The following ZNF521 variants were observed in gnomAD, a reference collection of about 807,000 sequenced individuals.
The protein encoded by ZNF521 is zinc finger protein 521.
ZNF521 carries 14 observed loss-of-function variants against 105.5 expected under a neutral mutation model. The ratio of observed to expected loss-of-function variants is 0.13; its 90% confidence interval spans 0.09 to 0.21. The LOEUF is 0.21. Among genes scored for constraint, ZNF521 ranks in the 10% least tolerant of loss-of-function variants. The pLI, the probability that ZNF521 is intolerant of heterozygous loss-of-function variation, is 1.00. For missense variants in ZNF521, 1,233 were observed against 1,629.7 expected, an observed-to-expected ratio of 0.76 and a Z score of 4.19; for synonymous variants, 635 against 606.0, an observed-to-expected ratio of 1.05 and a Z score of -0.70.
At chr18:25,263,688 G>A (rs1909067276) in intron 3 of ZNF521, among the ~76,000 whole-genome samples, 1 of 152,166 alleles carries the variant, frequency 6.6e-6, no homozygotes, top group Non-Finnish European at 1.5e-5. Context: ...CCATTCTCCT[G>A]CGTCAGCGTC....
chr18:25,101,997 A>G (rs1021136815), intron 5 of ZNF521, among the ~76,000 whole-genome samples: 2 of 152,218 alleles, frequency 1.3e-5, no homozygotes, highest in South Asian at 2.1e-4. Context: ...AGGAAAATAC[A>G]GCAATGATAC....
Position 25,285,769 on chromosome 18 carries a change from C to T in ZNF521, c.220+36239G>A, listed in dbSNP as rs537337120. Among the ~76,000 whole-genome samples, 126 of 152,164 alleles carry T rather than the reference C, an allele frequency of 8.3e-4. 2 individuals are homozygous for T. The highest frequency in any genetic ancestry group is 2.9e-3 in the African/African-American group (119 of 41,530). Reference sequence around the variant, plus strand: ...GCGCGCACATGCACGCATGGCTATACAGAATCTCCCCAAATCACAAAAAGG... The same window carrying T: ...GCGCGCACATGCACGCATGGCTATATAGAATCTCCCCAAATCACAAAAAGG... On this transcript the variant is annotated intron_variant, in intron 3 of 7. Coordinates refer to ENST00000361524, the MANE Select transcript of ZNF521 (RefSeq NM_015461.3).
chr18:25,166,135 C>A (rs1447601168), intron 5 of ZNF521, among the ~76,000 whole-genome samples: 2 of 152,156 alleles, frequency 1.3e-5, no homozygotes, highest in Non-Finnish European at 1.5e-5. Flanking sequence ...TGAAAAAAAT[C>A]TTTAAAACTC....
chr18:25,180,119 C>T (rs1312709996), intron 5 of ZNF521, among the ~76,000 whole-genome samples: 1 of 151,734 alleles, frequency 6.6e-6, no homozygotes, highest in Non-Finnish European at 1.5e-5. Context: ...CCCTTTTTTG[C>T]CCATAAACAA....
At chr18:25,133,275 T>A (rs34030163) in intron 5 of ZNF521, among the ~76,000 whole-genome samples, 24,732 of 152,092 alleles carry the variant, frequency 0.16, 2,067 homozygotes, top group Middle Eastern at 0.23. Flanking sequence ...TGGTTAAGAG[T>A]CAAATGTCTC....
At chr18:25,135,716 C>T (rs1385392613) in intron 5 of ZNF521, among the ~76,000 whole-genome samples, 1 of 152,116 alleles carries the variant, frequency 6.6e-6, no homozygotes, top group Non-Finnish European at 1.5e-5. Context: ...CCCAGAGGAC[C>T]TAGCTGATTG....
chr18:25,192,259 G>A (rs1426696777), intron 5 of ZNF521, among the ~76,000 whole-genome samples: 2 of 151,918 alleles, frequency 1.3e-5, no homozygotes, highest in African/African-American at 2.4e-5. Context: ...AATTATTCTC[G>A]CAACTCAGAC....
At chr18:25,175,756 T>A (rs1033807407) in intron 5 of ZNF521, among the ~76,000 whole-genome samples, 1 of 152,198 alleles carries the variant, frequency 6.6e-6, no homozygotes, top group Non-Finnish European at 1.5e-5. Flanking sequence ...CAAATGGCCA[T>A]TTATCATACC....
chr18:25,147,806 C>G (rs183357088), intron 5 of ZNF521, among the ~76,000 whole-genome samples: 6 of 152,156 alleles, frequency 3.9e-5, no homozygotes, highest in Admixed American at 1.3e-4. Context: ...TATAATCTTT[C>G]GTGCAGAAAG....
At chr18:25,183,930 T>C (rs1475063831) in intron 5 of ZNF521, among the ~76,000 whole-genome samples, 1 of 152,142 alleles carries the variant, frequency 6.6e-6, no homozygotes, top group East Asian at 1.9e-4. Flanking sequence ...TAAAAGGCCA[T>C]TTTGAAATAA....
chr18:25,291,064 A>C (rs1910988649), intron 3 of ZNF521, among the ~76,000 whole-genome samples: 1 of 152,172 alleles, frequency 6.6e-6, no homozygotes, highest in African/African-American at 2.4e-5. Flanking sequence ...CACATTACCA[A>C]AACTATTAAT....
chr18:25,306,231 T>C (rs1414193784), intron 3 of ZNF521, among the ~76,000 whole-genome samples: 1 of 152,238 alleles, frequency 6.6e-6, no homozygotes, highest in African/African-American at 2.4e-5. Flanking sequence ...ATTGATTTTT[T>C]TTAAGCTAAT....
intron 5 of ZNF521, among the ~76,000 whole-genome samples, chr18:25,110,156 C>T (rs937391981): frequency 1.3e-5 from 2 of 152,164 alleles, no homozygotes; most frequent in Non-Finnish European, 1.5e-5. Flanking sequence ...AGAGTTTTAT[C>T]AAAGTGGGTT....
chr18:25,289,858 T>C (rs958843384), intron 3 of ZNF521, among the ~76,000 whole-genome samples: 5 of 152,244 alleles, frequency 3.3e-5, no homozygotes, highest in African/African-American at 1.2e-4. Context: ...AGTGTAGCTC[T>C]GTGTGTTATA....
intron 5 of ZNF521, among the ~76,000 whole-genome samples, chr18:25,137,310 A>G (rs1269799755): frequency 6.6e-6 from 1 of 152,152 alleles, no homozygotes; most frequent in Admixed American, 6.6e-5. Flanking sequence ...GTGGTGGAGA[A>G]GGCTCCTTCA....
At chr18:25,269,755 AC>A (rs1909519680) in intron 3 of ZNF521, among the ~76,000 whole-genome samples, 3 of 152,246 alleles carry the variant, frequency 2.0e-5, no homozygotes, top group African/African-American at 7.2e-5. Flanking sequence ...GAACAAAGAC[AC>A]AACGTACCAG....
intron 7 of ZNF521, 134 bp from the exon 8 acceptor site, chr18:25,062,875 A>T (rs928385163): frequency 4.5e-6 from 4 of 896,822 alleles, no homozygotes; most frequent in Non-Finnish European, 6.5e-6. Flanking sequence ...CTTGAACAGA[A>T]CAATGAGTTT....
chr18:25,112,725 GAT>G (rs1163999742), intron 5 of ZNF521, among the ~76,000 whole-genome samples: 1 of 152,108 alleles, frequency 6.6e-6, no homozygotes, highest in Non-Finnish European at 1.5e-5. Context: ...CACATATTTT[GAT>G]ATCTCTATTA....
intron 2 of ZNF521, among the ~76,000 whole-genome samples, chr18:25,342,228 T>C (rs78262782): frequency 2.0e-5 from 3 of 152,188 alleles, no homozygotes; most frequent in Non-Finnish European, 4.4e-5. Context: ...CCTTGCCTCA[T>C]GTCTGCAAAA....
Sources: gnomAD v4.1 joint callset for allele counts (sites outside exome capture counted in the v4.1 genomes callset) on GRCh38, gnomAD v4.1.1 for gene constraint, MANE v1.5 for transcripts, NCBI Gene and HGNC (gene_info 2026-07-23, HGNC 2026-07-21) for gene names.